The following GDI2 variants were observed in gnomAD, a reference collection of about 807,000 sequenced individuals.
The protein encoded by GDI2 is GDP dissociation inhibitor 2.
GDI2 carries 22 observed loss-of-function variants against 54.2 expected under a neutral mutation model. The ratio of observed to expected loss-of-function variants is 0.41; its 90% CI spans 0.29 to 0.58. The LOEUF is 0.58. GDI2 is among the 20% of genes least tolerant of loss of function. GDI2 has a pLI of 0.35. For missense variants in GDI2, 422 were observed against 546.0 expected (o/e 0.77, Z 2.26); for synonymous variants, 177 against 182.1 (o/e 0.97, Z 0.23).
rs1177402754 is a variant in GDI2 at position 5,766,105 on chromosome 10, C to T, written c.1239G>A (p.Thr413=). 53 of 1,612,280 alleles carry T rather than the reference C, an allele frequency of 3.3e-5. No homozygotes were observed. The highest frequency in any genetic ancestry group is 2.7e-5 in the Non-Finnish European group (32 of 1,178,954). Residue 413 remains threonine, a synonymous_variant, in exon 11 of 11, where the codon ACG becomes ACA. Coordinates refer to ENST00000380191, the MANE Select transcript of GDI2 (RefSeq NM_001494.4). This position sits in a 1 kb window ranked among gnomAD's most constrained non-coding sequence, Gnocchi z 5.8. ...TYDATTHFET[T]CDDIKNIYKR... ...TATAGATGTTTTTAATGTCATCACA[C>T]GTTGTCTCAAAATGAGTGGTGGCAT...
intron 1 of GDI2, among the ~76,000 whole-genome samples, chr10:5,808,334 C>CA (rs1841418074): frequency 6.7e-6 from 1 of 149,632 alleles, no homozygotes; most frequent in South Asian, 2.1e-4. Flanking sequence ...CAAAAACAAA[C>CA]AAACAAAAAA....
At chr10:5,810,544 G>C (rs1265705340) in intron 1 of GDI2, among the ~76,000 whole-genome samples, 1 of 152,190 alleles carries the variant, frequency 6.6e-6, no homozygotes, top group Non-Finnish European at 1.5e-5. Flanking sequence ...ATAGCAGCCT[G>C]AGAGTAAAGG....
chr10:5,773,391 A>G (rs1191170723), intron 7 of GDI2, among the ~76,000 whole-genome samples: 1 of 152,024 alleles, frequency 6.6e-6, no homozygotes, highest in Non-Finnish European at 1.5e-5. Flanking sequence ...AGTAGCATCC[A>G]CATCACCTAA....
At chr10:5,793,246 C>T (rs7918796) in intron 4 of GDI2, among the ~76,000 whole-genome samples, 5,730 of 152,228 alleles carry the variant, frequency 0.038, 382 homozygotes, top group African/African-American at 0.13. Flanking sequence ...CCTCCTACCA[C>T]GGCTTCCCAA....
intron 6 of GDI2, among the ~76,000 whole-genome samples, chr10:5,782,843 G>A (rs1226677865): frequency 1.3e-5 from 2 of 152,188 alleles, no homozygotes; most frequent in Non-Finnish European, 2.9e-5. Flanking sequence ...TGAGGCAGGA[G>A]AATCACTGGA....
chr10:5,776,706 A>G lies in GDI2; in HGVS notation c.720-2765T>C. The G allele has an allele frequency of 6.8e-7, 1 of 1,464,688 alleles. No individual in the cohort carries two copies. Among genetic ancestry groups the G allele is most frequent in the Non-Finnish European group, 9.5e-7 (1 of 1,052,012 alleles). 90.7% of individuals were successfully genotyped at this position (1,464,688 alleles called of 1,614,324 possible). ...TTATGGAGCTTGCCGCCACATTCAG[A>G]AACTGCTACAGCCTCTTTAACCTGG... On this transcript the variant is annotated intron_variant, in intron 6 of 10. Transcript: ENST00000380191. This position sits in a 1 kb window ranked among gnomAD's most constrained non-coding sequence, Gnocchi z 5.3.
In GDI2 at chr10:5,765,808, GGTAACT is replaced by G. The variant is rs1282105781; in HGVS notation, c.*192_*197del. The G allele has an allele frequency of 2.0e-6, 1 of 498,510 alleles. No homozygotes were observed. Among genetic ancestry groups the G allele is most frequent in the Non-Finnish European group, 3.5e-6 (1 of 288,018 alleles). 30.9% of individuals were successfully genotyped at this position (498,510 alleles called of 1,614,324 possible). A position where few individuals can be genotyped will look rare whatever the true frequency, so the allele number is the denominator to read the frequency against. The stretch of plus-strand genomic sequence containing the variant: ...AGTTTGGTTAAATTGAACAGAATGT[GGTAACT>G]GCCAATGCTGAATAGCCACTCCATG... On this transcript the variant is annotated 3_prime_UTR_variant, in exon 11 of 11. Coordinates refer to ENST00000380191, the MANE Select transcript of GDI2 (RefSeq NM_001494.4).
chr10:5,768,146 G>C lies in GDI2; in HGVS notation c.991+67C>G. The C allele has an allele frequency of 1.5e-6, 2 of 1,340,540 alleles. No homozygotes were observed. The highest frequency in any genetic ancestry group is 2.0e-4 in the Middle Eastern group (1 of 5,008). The allele number at this position is 1,340,540 out of a possible 1,614,324, so 83.0% of individuals were successfully genotyped here. A position where few individuals can be genotyped will look rare whatever the true frequency, so the allele number is the denominator to read the frequency against. ...TACAGCATACAAAATTAGGAATTTG[G>C]GATAAAACACAAAGCAAATTATATC... On this transcript the variant is annotated intron_variant, in intron 8 of 10. Coordinates refer to ENST00000380191, the MANE Select transcript of GDI2 (RefSeq NM_001494.4). This position sits in a 1 kb window ranked among gnomAD's most constrained non-coding sequence, Gnocchi z 4.4.
intron 4 of GDI2, among the ~76,000 whole-genome samples, chr10:5,792,104 A>G (rs1841032323): frequency 6.6e-6 from 1 of 152,240 alleles, no homozygotes; most frequent in Non-Finnish European, 1.5e-5. Flanking sequence ...GAAGGTATGT[A>G]ATCATTGTTA....
In GDI2 at chr10:5,766,753, G is replaced by T. The variant is rs946592852; in HGVS notation, c.992-115C>A. ...AGTTAAAATTACTCTCAATAGGCAA[G>T]ATCTTCTACACTTAAGTTCTAAATG... On this transcript the variant is annotated intron_variant, in intron 8 of 10. Coordinates refer to ENST00000380191, the MANE Select transcript of GDI2 (RefSeq NM_001494.4). The surrounding 1 kb of genome is among the most constrained non-coding windows in gnomAD (Gnocchi z 5.8). The T allele has an allele frequency of 3.2e-5, 23 of 717,604 alleles. 1 individual carries two copies. In the South Asian group the frequency reaches 3.5e-4, roughly 11 times the overall value. The allele number at this position is 717,604 out of a possible 1,614,324, so 44.5% of individuals were successfully genotyped here.
chr10:5,795,799 A>G (rs1047653630), intron 3 of GDI2, among the ~76,000 whole-genome samples: 19 of 152,052 alleles, frequency 1.2e-4, no homozygotes, highest in Non-Finnish European at 2.5e-4. Context: ...GGTGTGGTGG[A>G]ACACCCAGGT....
At chr10:5,811,576 G>A (rs945159242) in intron 1 of GDI2, among the ~76,000 whole-genome samples, 1 of 150,628 alleles carries the variant, frequency 6.6e-6, no homozygotes, top group Non-Finnish European at 1.5e-5. Context: ...CTTAAAACAC[G>A]CTGGCAGCAA....
intron 6 of GDI2, among the ~76,000 whole-genome samples, chr10:5,780,969 T>TC (rs1049639853): frequency 5.3e-5 from 8 of 152,190 alleles, no homozygotes; most frequent in African/African-American, 1.9e-4. Flanking sequence ...GGCGAAAGTG[T>TC]TATCACCTAC....
chr10:5,796,656 A>T (rs1841153560), intron 3 of GDI2, 107 bp downstream of exon 3: 1 of 662,204 alleles, frequency 1.5e-6, no homozygotes, highest in East Asian at 2.6e-5. Context: ...GTTTCATTCA[A>T]CAAAATCCAG....
chr10:5,783,253 A>G (rs1394892632), intron 6 of GDI2, among the ~76,000 whole-genome samples: 3 of 152,174 alleles, frequency 2.0e-5, no homozygotes, highest in African/African-American at 7.2e-5. Flanking sequence ...TAAAATAAAA[A>G]ATATAAGAAT....
At chr10:5,803,276 G>C (rs570444107) in intron 1 of GDI2, among the ~76,000 whole-genome samples, 1 of 152,250 alleles carries the variant, frequency 6.6e-6, no homozygotes, top group South Asian at 2.1e-4. Context: ...ACAAAAATTA[G>C]CTGGGTGTGG....
intron 8 of GDI2, among the ~76,000 whole-genome samples, chr10:5,767,446 T>C (rs551307029): frequency 1.6e-4 from 25 of 152,262 alleles, no homozygotes; most frequent in African/African-American, 6.0e-4. Flanking sequence ...CCCAAGTAGC[T>C]AGGACTACAG....
Position 5,796,856 on chromosome 10 carries a change from T to C in GDI2, c.160A>G (p.Lys54Glu), listed in dbSNP as rs1342883333. Residue 54 changes from lysine to glutamate, a missense_variant, in exon 3 of 11, where the codon AAA (lysine) becomes GAA (glutamate). Transcript: ENST00000380191. ...ASITPLEDLYKRFKIPGSPPE... is the reference protein window; with the variant it reads ...ASITPLEDLYERFKIPGSPPE... ...GGTGATCCTGGTATTTTAAATCTTT[T>C]GTATAACTAAAAGCAAGGAAAAACA... 2 of 1,516,868 alleles carry C rather than the reference T, an allele frequency of 1.3e-6. No homozygotes were observed. Among genetic ancestry groups the C allele is most frequent in the South Asian group, 1.1e-5 (1 of 88,392 alleles). The allele number at this position is 1,516,868 out of a possible 1,614,324, so 94.0% of individuals were successfully genotyped here. A position where few individuals can be genotyped will look rare whatever the true frequency, so the allele number is the denominator to read the frequency against.
At chr10:5,800,573 C>T (rs367684815) in intron 2 of GDI2, 25 bp downstream of exon 2, 4 of 965,064 alleles carry the variant, frequency 4.1e-6, no homozygotes, top group South Asian at 2.6e-5. Flanking sequence ...GTGTGAGAGG[C>T]GTATGAAATT....
Sources: gnomAD v4.1 joint callset for allele counts (sites outside exome capture counted in the v4.1 genomes callset) on GRCh38, gnomAD v4.1.1 for gene constraint, Gnocchi (gnomAD v3.1) non-coding constraint, MANE v1.5 for transcripts, NCBI Gene and HGNC (gene_info 2026-07-23, HGNC 2026-07-21) for gene names.